CADM2: variants seen among roughly 807,000 people sequenced by gnomAD.
The protein encoded by CADM2 is cell adhesion molecule 2.
In CADM2, 12 loss-of-function variants were observed where a neutral mutation model predicts 49.8. The observed-to-expected ratio is 0.24, with a 90% CI of 0.15 to 0.39. The LOEUF (loss-of-function observed/expected upper bound fraction) is 0.39. Among genes scored for constraint, CADM2 ranks in the 10% least tolerant of loss-of-function variants. The pLI is 1.00. For synonymous variants in CADM2, 214 were observed against 175.4 expected, an observed-to-expected ratio of 1.22 and a Z score of -1.74; for missense variants, 378 against 492.3, an observed-to-expected ratio of 0.77 and a Z score of 2.20.
chr3:85,103,265 G>T (rs1269643396), intron 1 of CADM2, among the ~76,000 whole-genome samples: 2 of 152,014 alleles, frequency 1.3e-5, no homozygotes, highest in African/African-American at 2.4e-5. Context: ...TCTAAGAAAA[G>T]ATTCAGGGAA....
intron 3 of CADM2, among the ~76,000 whole-genome samples, chr3:85,870,530 G>A (rs191919341): frequency 2.6e-4 from 40 of 152,190 alleles, no homozygotes; most frequent in African/African-American, 8.9e-4. Flanking sequence ...GTACTAGTTT[G>A]CTAAGGATGA....
intron 1 of CADM2, among the ~76,000 whole-genome samples, chr3:85,682,136 C>G (rs2066056098): frequency 6.6e-6 from 1 of 152,134 alleles, no homozygotes; most frequent in Admixed American, 6.5e-5. Flanking sequence ...TTAAACGATA[C>G]AGCTAAAAGT....
intron 1 of CADM2, among the ~76,000 whole-genome samples, chr3:85,625,725 T>A (rs2064107625): frequency 6.6e-6 from 1 of 152,006 alleles, no homozygotes; most frequent in Admixed American, 6.6e-5. Flanking sequence ...GAGTAATAAA[T>A]TTTTGTTCTA....
At chr3:85,714,128 T>A (rs972287749) in intron 1 of CADM2, among the ~76,000 whole-genome samples, 2 of 152,214 alleles carry the variant, frequency 1.3e-5, no homozygotes, top group African/African-American at 4.8e-5. Context: ...TCCTGGGAAT[T>A]GAATAGGTTA....
chr3:85,475,748 C>G (rs1206859636), intron 1 of CADM2, among the ~76,000 whole-genome samples: 1 of 151,772 alleles, frequency 6.6e-6, no homozygotes. Context: ...AGAGCAAAAA[C>G]AAAACTTAAT....
intron 1 of CADM2, among the ~76,000 whole-genome samples, chr3:85,435,827 G>T (rs1160341234): frequency 1.3e-5 from 2 of 151,996 alleles, no homozygotes; most frequent in African/African-American, 4.8e-5. Context: ...TTTGAGAAGT[G>T]CCTGTTCGCT....
At chr3:85,029,033 CATTT>C (rs1484642601) in intron 1 of CADM2, among the ~76,000 whole-genome samples, 1 of 151,596 alleles carries the variant, frequency 6.6e-6, no homozygotes, top group Admixed American at 6.6e-5. Context: ...ACTATTATAA[CATTT>C]ATTTCCTTCT....
intron 7 of CADM2, among the ~76,000 whole-genome samples, chr3:85,941,149 C>T (rs1384235587): frequency 6.6e-6 from 1 of 151,974 alleles, no homozygotes; most frequent in Non-Finnish European, 1.5e-5. Flanking sequence ...GAAATGTCGG[C>T]CTCCAAGTAA....
intron 8 of CADM2, among the ~76,000 whole-genome samples, chr3:86,000,991 ATAAT>A (rs1293461147): frequency 6.6e-6 from 1 of 152,170 alleles, no homozygotes; most frequent in Admixed American, 6.5e-5. Context: ...AGCTACTGAA[ATAAT>A]TCTAGTGAAT....
At chr3:85,986,534 G>A (rs1157492857) in intron 8 of CADM2, among the ~76,000 whole-genome samples, 1 of 152,034 alleles carries the variant, frequency 6.6e-6, no homozygotes, top group African/African-American at 2.4e-5. Context: ...GTGTCAATAT[G>A]TTGGGGTTTC....
At chr3:84,970,281 T>TC (rs2031328808) in intron 1 of CADM2, among the ~76,000 whole-genome samples, 1 of 151,346 alleles carries the variant, frequency 6.6e-6, no homozygotes, top group Non-Finnish European at 1.5e-5. Flanking sequence ...TTGATTTTTT[T>TC]TTTTTGCATT....
chr3:85,881,163 C>T (rs1428511541), intron 3 of CADM2, among the ~76,000 whole-genome samples: 1 of 151,986 alleles, frequency 6.6e-6, no homozygotes, highest in Admixed American at 6.6e-5. Flanking sequence ...TGATTCTATC[C>T]TCTGTCATTT....
At chr3:85,208,356 G>A (rs980984514) in intron 1 of CADM2, among the ~76,000 whole-genome samples, 4 of 152,146 alleles carry the variant, frequency 2.6e-5, no homozygotes, top group African/African-American at 9.6e-5. Flanking sequence ...ATAAAGGAAG[G>A]TGTATGACTT....
At chr3:85,734,001 A>G (rs537456172) in intron 2 of CADM2, among the ~76,000 whole-genome samples, 77 of 152,304 alleles carry the variant, frequency 5.1e-4, no homozygotes, top group African/African-American at 1.8e-3. Flanking sequence ...AGAATGATCA[A>G]TGTGTAGCAG....
chr3:85,390,475 C>T (rs945620965), intron 1 of CADM2, among the ~76,000 whole-genome samples: 1 of 152,032 alleles, frequency 6.6e-6, no homozygotes, highest in Non-Finnish European at 1.5e-5. Context: ...CTGAACTCTG[C>T]TACAGTCTAA....
chr3:85,911,409 G>T (rs778677702), intron 5 of CADM2, among the ~76,000 whole-genome samples: 1 of 152,112 alleles, frequency 6.6e-6, no homozygotes, highest in African/African-American at 2.4e-5. Flanking sequence ...TTTAAATATC[G>T]ATAAATGAAT....
intron 1 of CADM2, among the ~76,000 whole-genome samples, chr3:85,718,675 A>C (rs959444944): frequency 6.6e-6 from 1 of 151,986 alleles, no homozygotes; most frequent in Non-Finnish European, 1.5e-5. Flanking sequence ...TGAAAACGGT[A>C]GAGTGAAAAA....
intron 1 of CADM2, among the ~76,000 whole-genome samples, chr3:85,134,586 A>G (rs1346728053): frequency 1.3e-5 from 2 of 152,198 alleles, no homozygotes; most frequent in African/African-American, 4.8e-5. Context: ...TATATCTGTT[A>G]TTTTTAGTTG....
At chr3:86,022,438 ACT>A (rs1733314225) in intron 8 of CADM2, among the ~76,000 whole-genome samples, 1 of 152,116 alleles carries the variant, frequency 6.6e-6, no homozygotes, top group Non-Finnish European at 1.5e-5. Flanking sequence ...TTTTGTAATG[ACT>A]CAAACTTTAG....
Sources: gnomAD v4.1 joint callset for allele counts (sites outside exome capture counted in the v4.1 genomes callset) on GRCh38, gnomAD v4.1.1 for gene constraint, MANE v1.5 for transcripts, NCBI Gene and HGNC (gene_info 2026-07-23, HGNC 2026-07-21) for gene names.